Variants in ZFP1 observed in about 807,000 individuals in gnomAD.
The protein encoded by ZFP1 is ZFP1 zinc finger protein.
In ZFP1, 32 loss-of-function variants were observed where a neutral mutation model predicts 38.5. That is an observed-to-expected ratio of 0.83 (90% CI 0.63 to 1.12). The LOEUF is 1.12. Ranked by LOEUF, ZFP1 falls within the 50% of genes most tolerant of loss-of-function variation. The pLI is 0.00. For synonymous variants in ZFP1, 245 were observed against 168.8 expected (o/e 1.45, Z -3.50); for missense variants, 616 against 480.8 (o/e 1.28, Z -2.63).
intron 3 of ZFP1, 89 bp downstream of exon 3, chr16:75,166,985 A>G: frequency 6.5e-7 from 1 of 1,529,712 alleles, no homozygotes; most frequent in Non-Finnish European, 8.8e-7. Flanking sequence ...CTGAATTACT[A>G]AATGTTTTTG....
upstream of ZFP1, among the ~76,000 whole-genome samples, chr16:75,143,735 T>C (rs979011433): frequency 1.4e-5 from 2 of 143,298 alleles, no homozygotes; most frequent in Non-Finnish European, 3.0e-5. Context: ...CACTGCAGCG[T>C]CAACCTCCTG....
chr16:75,130,041 A>G, the ZFP1 span, among the ~76,000 whole-genome samples: 140,238 of 152,146 alleles, frequency 0.92, 64,740 homozygotes, highest in African/African-American at 0.94. Flanking sequence ...CTGTCGCCCA[A>G]GCTGGAGTGC....
At chr16:75,147,450 G>GT (rs1311760656), upstream of ZFP1, among the ~76,000 whole-genome samples, 3 of 74,154 alleles carry the variant, frequency 4.0e-5, no homozygotes, top group Non-Finnish European at 5.3e-5. Context: ...GCTAATTTTT[G>GT]TATTTTTTTT....
chr16:75,134,475 G>T, the ZFP1 span, among the ~76,000 whole-genome samples: 1 of 151,362 alleles, frequency 6.6e-6, no homozygotes, highest in Non-Finnish European at 1.5e-5. Flanking sequence ...GCCAGGCCTG[G>T]GCTGGGCGCG....
rs1351685415 is a variant in ZFP1, at chr16:75,170,671, T to G, written c.*337T>G. The G allele has an allele frequency of 5.0e-6, 1 of 198,084 alleles. No homozygotes were observed. The highest frequency in any genetic ancestry group is 1.0e-5 in the Non-Finnish European group (1 of 97,482). The allele number at this position is 198,084 out of a possible 1,614,324, so 12.3% of individuals were successfully genotyped here. On this transcript the variant is annotated 3_prime_UTR_variant, in exon 4 of 4. Coordinates refer to ENST00000570010, the MANE Select transcript of ZFP1 (RefSeq NM_153688.4). Reference sequence around the variant, plus strand: ...TATGAATTTAGTGGTTTTATGTGGATATGCCACAAAACACAAGTGGTATGC... The same window carrying G: ...TATGAATTTAGTGGTTTTATGTGGAGATGCCACAAAACACAAGTGGTATGC...
chr16:75,168,299 T>G (rs968144420), intron 3 of ZFP1, among the ~76,000 whole-genome samples: 1 of 152,174 alleles, frequency 6.6e-6, no homozygotes, highest in Non-Finnish European at 1.5e-5. Flanking sequence ...GTTGTTTGAC[T>G]TAATGAACCT....
rs868636421 is a variant in ZFP1, at chr16:75,171,106, C to A, written c.*772C>A. 1 of 152,150 alleles carries A rather than the reference C, an allele frequency of 6.6e-6. No individual in the cohort carries two copies. Among genetic ancestry groups the A allele is most frequent in the Admixed American group, 6.5e-5 (1 of 15,274 alleles). 9.4% of individuals were successfully genotyped at this position (152,150 alleles called of 1,614,324 possible). On this transcript the variant is annotated 3_prime_UTR_variant, in exon 4 of 4. Transcript: ENST00000570010. ...TATGCACCACAGAATAAGAGTTTGC[C>A]GTGTAAAGACAATATCCCCATTCGT...
intron 2 of ZFP1, among the ~76,000 whole-genome samples, chr16:75,155,893 T>C (rs1412127866): frequency 6.6e-6 from 1 of 152,248 alleles, no homozygotes; most frequent in Non-Finnish European, 1.5e-5. Context: ...GAATTAATAT[T>C]GCCTTGGTTT....
At chr16:75,147,829 T>C (rs1037359083), upstream of ZFP1, among the ~76,000 whole-genome samples, 2 of 152,040 alleles carry the variant, frequency 1.3e-5, no homozygotes, top group African/African-American at 4.8e-5. Context: ...GCAAGATGAG[T>C]AGTTCTGGGG....
chr16:75,145,798 C>G (rs2036936596), upstream of ZFP1, among the ~76,000 whole-genome samples: 1 of 152,188 alleles, frequency 6.6e-6, no homozygotes, highest in Non-Finnish European at 1.5e-5. Flanking sequence ...CTGCATTTAC[C>G]ATTCTTCAAG....
chr16:75,129,954 T>C, the ZFP1 span, among the ~76,000 whole-genome samples: 1 of 152,182 alleles, frequency 6.6e-6, no homozygotes. Flanking sequence ...AGAGGGCAAC[T>C]TGAAAGACAA....
Position 75,156,000 on chromosome 16 carries a change from TATC to T in ZFP1, c.15+3037_15+3039del, listed in dbSNP as rs1411915375. Among the ~76,000 whole-genome samples, 4 of 152,202 alleles carry T rather than the reference TATC, an allele frequency of 2.6e-5. No homozygotes were observed. The East Asian group carries it at 7.7e-4, about 29-fold the overall frequency. On this transcript the variant is annotated intron_variant, in intron 2 of 3. Coordinates refer to ENST00000570010, the MANE Select transcript of ZFP1 (RefSeq NM_153688.4). ...GTGGGCCCTTTGCCAAGACTTAGGT[TATC>T]ATTTATTTTTTAAATTACACTAGCT...
chr16:75,131,590 G>C, the ZFP1 span, among the ~76,000 whole-genome samples: 1 of 152,070 alleles, frequency 6.6e-6, no homozygotes, highest in African/African-American at 2.4e-5. Context: ...TCTCATCCTA[G>C]CTGGGTCCTT....
At chr16:75,161,774 A>ATATATATATAT (rs1555523101) in intron 2 of ZFP1, among the ~76,000 whole-genome samples, 2 of 7,820 alleles carry the variant, frequency 2.6e-4, no homozygotes, top group African/African-American at 3.9e-4. Flanking sequence ...ATATATATAT[A>ATATATATATAT]TTTTTTTTTT....
At chr16:75,162,029 C>T (rs2037817136) in intron 2 of ZFP1, among the ~76,000 whole-genome samples, 1 of 151,528 alleles carries the variant, frequency 6.6e-6, no homozygotes, top group Admixed American at 6.6e-5. Context: ...ATGTGATCCG[C>T]CTACCTCGGC....
In ZFP1 at chr16:75,162,926, T is replaced by C. The variant is rs575750596; in HGVS notation, c.16-3844T>C. ...TTAAAATGTAATTTTTCTTTTTTTT[T>C]TTGGAAACAGTCTTGCTCTGTTGCC... is the stretch of plus-strand genomic sequence containing the variant. On this transcript the variant is annotated intron_variant, in intron 2 of 3. Transcript: ENST00000570010. Among the ~76,000 whole-genome samples the C allele has an allele frequency of 5.3e-4, 80 of 152,086 alleles. 1 individual carries two copies. The highest frequency in any genetic ancestry group is 1.9e-3 in the African/African-American group (78 of 41,546).
At chr16:75,152,701 C>T (rs183497498) in intron 1 of ZFP1, among the ~76,000 whole-genome samples, 1 of 152,302 alleles carries the variant, frequency 6.6e-6, no homozygotes, top group African/African-American at 2.4e-5. Context: ...TTATCTTAGT[C>T]TTGCCTTTAT....
the ZFP1 span, among the ~76,000 whole-genome samples, chr16:75,129,460 C>A: frequency 6.6e-6 from 1 of 152,180 alleles, no homozygotes; most frequent in Non-Finnish European, 1.5e-5. Context: ...TTAGGGCAAA[C>A]CTGCCTCCCA....
At chr16:75,138,923 G>T in the ZFP1 span, among the ~76,000 whole-genome samples, 2 of 152,202 alleles carry the variant, frequency 1.3e-5, no homozygotes, top group Non-Finnish European at 2.9e-5. Flanking sequence ...ATTAATGCCA[G>T]ATCCTTGCTA....
Sources: allele counts gnomAD v4.1 joint callset (sites outside exome capture counted in the v4.1 genomes callset), GRCh38; gene constraint gnomAD v4.1.1; transcripts MANE v1.5; gene names NCBI Gene and HGNC (gene_info 2026-07-23, HGNC 2026-07-21).